The following CLVS1 variants were observed in gnomAD, a reference collection of about 807,000 sequenced individuals.
CLVS1 encodes the protein clavesin 1.
CLVS1 carries 10 observed loss-of-function variants against 33.1 expected under a neutral mutation model. That is an observed-to-expected ratio of 0.30 (90% CI 0.19 to 0.51). The LOEUF is 0.51. Ranked by LOEUF, CLVS1 falls within the 20% of genes least tolerant of loss-of-function variation. The pLI is 0.97. For missense variants in CLVS1, 343 were observed against 433.4 expected, an observed-to-expected ratio of 0.79 and a Z score of 1.85; for synonymous variants, 163 against 166.1, an observed-to-expected ratio of 0.98 and a Z score of 0.14.
intron 3 of CLVS1, among the ~76,000 whole-genome samples, chr8:61,423,918 T>C (rs548264173): frequency 4.6e-5 from 7 of 152,074 alleles, no homozygotes; most frequent in Non-Finnish European, 8.8e-5. Context: ...GGCAAAGGTA[T>C]GTAATTTAGA....
rs376185436 is a variant in CLVS1, at chr8:61,232,022, G to GTTTTTTTTTTTTTTTTTTTTT, written c.-151-67655_-151-67654insTTTTTTTTTTTTTTTTTTTTT. On this transcript the variant is annotated intron_variant, in intron 2 of 2. Coordinates refer to the CLVS1 transcript ENST00000522621. The stretch of plus-strand genomic sequence containing the variant: ...GAGAAGGAGCCCTGAGGAAAGTTGT[G>GTTTTTTTTTTTTTTTTTTTTT]GTTTTTTTTTTTTTTTTTTTTTTTT... 2.6e-5 allele frequency among the ~76,000 whole-genome samples: 3 copies of GTTTTTTTTTTTTTTTTTTTTT among 117,070 alleles called. 1 individual carries two copies. The highest frequency in any genetic ancestry group is 1.3e-4 in the African/African-American group (3 of 22,320). 76.8% of individuals were successfully genotyped at this position (117,070 alleles called of 152,430 possible). A position where few individuals can be genotyped will look rare whatever the true frequency, so the allele number is the denominator to read the frequency against.
rs1323430367 is a variant in CLVS1 at position 61,312,708 on chromosome 8, G to A, written c.455+12426G>A. Among the ~76,000 whole-genome samples, 3 of 152,264 alleles carry A rather than the reference G, an allele frequency of 2.0e-5. No homozygotes were observed. The East Asian group carries it at 5.8e-4, about 29-fold the overall frequency. On this transcript the variant is annotated intron_variant, in intron 2 of 5. Transcript: ENST00000325897. The stretch of plus-strand genomic sequence containing the variant: ...GCATGTGGTTTCATTTAATCCTCAG[G>A]ACAATTTATGAAGGAGATGTTGTTA...
chr8:61,035,490 G>C, the CLVS1 span, among the ~76,000 whole-genome samples: 239 of 152,300 alleles, frequency 1.6e-3, 5 homozygotes, highest in East Asian at 0.04. Flanking sequence ...GATGTGCAAT[G>C]GGCTGGGTTC....
chr8:61,484,003 A>C (rs1018046066), intron 5 of CLVS1, among the ~76,000 whole-genome samples: 5 of 152,210 alleles, frequency 3.3e-5, no homozygotes, highest in African/African-American at 1.2e-4. Context: ...ATGGACAAGA[A>C]CTGGAAGCAT....
At chr8:61,293,544 C>T (rs1373123581) in intron 1 of CLVS1, among the ~76,000 whole-genome samples, 1 of 152,126 alleles carries the variant, frequency 6.6e-6, no homozygotes, top group Non-Finnish European at 1.5e-5. Flanking sequence ...AATAGAGTTA[C>T]ACTTAAAAAG....
At chr8:61,313,198 G>A (rs543331565) in intron 2 of CLVS1, among the ~76,000 whole-genome samples, 20 of 152,270 alleles carry the variant, frequency 1.3e-4, no homozygotes, top group Admixed American at 1.1e-3. Flanking sequence ...CATCCTGCAG[G>A]TCTTGTCTAG....
intron 3 of CLVS1, among the ~76,000 whole-genome samples, chr8:61,395,424 C>T (rs566854759): frequency 2.0e-5 from 3 of 152,172 alleles, no homozygotes; most frequent in African/African-American, 7.2e-5. Context: ...AATAATGTAT[C>T]GTATATTTCA....
intron 3 of CLVS1, among the ~76,000 whole-genome samples, chr8:61,396,757 A>G (rs1376133611): frequency 6.6e-6 from 1 of 152,166 alleles, no homozygotes; most frequent in East Asian, 1.9e-4. Context: ...AGATTTACTG[A>G]TTCTGGACAT....
In CLVS1 at chr8:61,102,371, A is replaced by T. The variant is rs528731061; in HGVS notation, c.-242-29399A>T. ...TATTATTGTTTATGCAATTGTAAAA[A>T]AAATTGTTTTCTTAATTTAATTTTG... On this transcript the variant is annotated intron_variant, in intron 1 of 2. Coordinates refer to the CLVS1 transcript ENST00000522621. Among the ~76,000 whole-genome samples the T allele has an allele frequency of 1.7e-3, 253 of 152,280 alleles. 2 individuals carry two copies. Among genetic ancestry groups the T allele is most frequent in the African/African-American group, 5.7e-3 (237 of 41,566 alleles).
intron 2 of CLVS1, among the ~76,000 whole-genome samples, chr8:61,210,631 G>A (rs1050435967): frequency 6.6e-6 from 1 of 152,158 alleles, no homozygotes; most frequent in African/African-American, 2.4e-5. Flanking sequence ...ACAACCTTGT[G>A]AGCTTGGAAG....
At chr8:61,376,476 C>T (rs1224926623) in intron 2 of CLVS1, 129 bp from the exon 3 acceptor site, 1 of 753,660 alleles carries the variant, frequency 1.3e-6, no homozygotes, top group Non-Finnish European at 2.1e-6. Flanking sequence ...CCTTTGGGTA[C>T]AGGACGCCAG....
intron 1 of CLVS1, among the ~76,000 whole-genome samples, chr8:61,126,080 C>A (rs1805963279): frequency 6.6e-6 from 1 of 152,066 alleles, no homozygotes; most frequent in African/African-American, 2.4e-5. Flanking sequence ...CTAAGCTCTA[C>A]TTACAGCCCC....
intron 5 of CLVS1, among the ~76,000 whole-genome samples, chr8:61,474,299 C>T (rs1256569461): frequency 6.6e-6 from 1 of 152,036 alleles, no homozygotes; most frequent in African/African-American, 2.4e-5. Context: ...TTAAAGGTAT[C>T]CATTGGACAT....
intron 2 of CLVS1, among the ~76,000 whole-genome samples, chr8:61,249,145 A>G (rs1808881296): frequency 6.6e-6 from 1 of 152,098 alleles, no homozygotes; most frequent in Non-Finnish European, 1.5e-5. Context: ...AATCTCACTT[A>G]TGAGTGAGAA....
At chr8:61,372,514 TATA>T (rs1472793869) in intron 2 of CLVS1, among the ~76,000 whole-genome samples, 2 of 152,340 alleles carry the variant, frequency 1.3e-5, no homozygotes, top group East Asian at 3.9e-4. Flanking sequence ...ATTTTCAGCT[TATA>T]GTAGTACAGT....
intron 5 of CLVS1, among the ~76,000 whole-genome samples, chr8:61,464,085 T>C (rs1193552100): frequency 2.8e-5 from 2 of 72,304 alleles, no homozygotes; most frequent in Non-Finnish European, 4.0e-5. Flanking sequence ...CGAGACTCTG[T>C]CTCAAAAAAA....
At chr8:61,025,386 C>CA in the CLVS1 span, among the ~76,000 whole-genome samples, 25 of 152,202 alleles carry the variant, frequency 1.6e-4, no homozygotes, top group Admixed American at 5.2e-4. Flanking sequence ...AAGCAAGAGT[C>CA]AAAACTAAGT....
rs1305801740 is a variant in CLVS1, at chr8:61,271,920, A to C, written c.-151-27757A>C. Among the ~76,000 whole-genome samples, 20 of 151,696 alleles carry C rather than the reference A, an allele frequency of 1.3e-4. No individual in the cohort carries two copies. In the East Asian group the frequency reaches 3.5e-3, roughly 26 times the overall value. On this transcript the variant is annotated intron_variant, in intron 2 of 2. Coordinates refer to the CLVS1 transcript ENST00000522621. ...GAGCCTGTGTGTGTCTCTGCACGTG[A>C]GATGGGTTTCCTGAATACAGCACAC...
chr8:61,081,970 G>C (rs1805026982), intron 1 of CLVS1, among the ~76,000 whole-genome samples: 1 of 152,156 alleles, frequency 6.6e-6, no homozygotes, highest in African/African-American at 2.4e-5. Flanking sequence ...GACAAAGCAA[G>C]CATTAGAACC....
Sources: allele counts gnomAD v4.1 joint callset (sites outside exome capture counted in the v4.1 genomes callset), GRCh38; gene constraint gnomAD v4.1.1; transcripts MANE v1.5; gene names NCBI Gene and HGNC (gene_info 2026-07-23, HGNC 2026-07-21).